SNTG1: variants seen among roughly 807,000 people sequenced by gnomAD.
The protein encoded by SNTG1 is syntrophin gamma 1, also known as gamma-1-syntrophin.
In SNTG1, 39 loss-of-function variants were observed where a neutral mutation model predicts 74.7. The observed-to-expected ratio is 0.52, with a 90% confidence interval of 0.40 to 0.68. SNTG1 has a LOEUF of 0.68. SNTG1 is among the 30% of genes least tolerant of loss of function. The pLI, the probability that SNTG1 is intolerant of heterozygous loss-of-function variation, is 0.00. For missense variants in SNTG1, 685 were observed against 609.5 expected (o/e 1.12, Z -1.30); for synonymous variants, 254 against 217.1 (o/e 1.17, Z -1.49).
In SNTG1 at chr8:50,536,759, C is replaced by CT; in HGVS notation, c.632dup (p.Leu212ThrfsTer39). 6.2e-7 allele frequency: 1 copy of CT among 1,614,034 alleles called. No individual in the cohort carries two copies. Among genetic ancestry groups the CT allele is most frequent in the African/African-American group, 1.3e-5 (1 of 75,046 alleles). On this transcript the variant is annotated frameshift_variant, in exon 11 of 19. Coordinates refer to ENST00000642720, the MANE Select transcript of SNTG1 (RefSeq NM_018967.5). LOFTEE classifies it high-confidence loss of function. ...ATGGTGCGACCTCAGACTGATCCCT[C>CT]TACTTCATTCGCGCTTCTCTCAGTA...
chr8:50,259,999 A>G (rs975667253), intron 2 of SNTG1, among the ~76,000 whole-genome samples: 1 of 152,154 alleles, frequency 6.6e-6, no homozygotes, highest in Non-Finnish European at 1.5e-5. Flanking sequence ...AAGTTTTGCC[A>G]CTGAGAGCCC....
intron 16 of SNTG1, among the ~76,000 whole-genome samples, chr8:50,705,299 TG>T (rs113127507): frequency 0.022 from 3,293 of 152,296 alleles, 101 homozygotes; most frequent in African/African-American, 0.071. Flanking sequence ...TTCTCACTTT[TG>T]AACACAATAT....
At chr8:50,608,586 A>G (rs576152453) in intron 13 of SNTG1, among the ~76,000 whole-genome samples, 4 of 151,864 alleles carry the variant, frequency 2.6e-5, no homozygotes, top group East Asian at 3.9e-4. Flanking sequence ...CTGTTTTCCA[A>G]TGGTAAATCA....
At chr8:50,610,473 C>A (rs1193307476) in intron 13 of SNTG1, among the ~76,000 whole-genome samples, 2 of 152,072 alleles carry the variant, frequency 1.3e-5, no homozygotes, top group East Asian at 3.9e-4. Context: ...CTCATTTAGG[C>A]CTTATTTGAC....
At chr8:50,031,451 A>G (rs1177559300) in intron 1 of SNTG1, among the ~76,000 whole-genome samples, 1 of 152,080 alleles carries the variant, frequency 6.6e-6, no homozygotes, top group African/African-American at 2.4e-5. Flanking sequence ...GTCTTTTACC[A>G]TATGAACTGT....
chr8:50,754,994 G>A (rs182401822), intron 18 of SNTG1, among the ~76,000 whole-genome samples: 1 of 151,682 alleles, frequency 6.6e-6, no homozygotes, highest in East Asian at 2.0e-4. Context: ...TGAGTGTAAG[G>A]TACAAAAATT....
At chr8:49,996,244 G>C (rs1360398269) in intron 1 of SNTG1, among the ~76,000 whole-genome samples, 3 of 151,936 alleles carry the variant, frequency 2.0e-5, no homozygotes, top group African/African-American at 7.3e-5. Context: ...TATGATTTTT[G>C]TAAGAGAGGA....
chr8:50,102,815 G>T (rs2080195827), intron 1 of SNTG1, among the ~76,000 whole-genome samples: 2 of 149,904 alleles, frequency 1.3e-5, no homozygotes, highest in Admixed American at 1.3e-4. Flanking sequence ...ATTAAATAGG[G>T]AATCCTTTCC....
intron 9 of SNTG1, among the ~76,000 whole-genome samples, chr8:50,522,017 T>C (rs923312057): frequency 3.3e-5 from 5 of 152,272 alleles, no homozygotes; most frequent in Non-Finnish European, 2.9e-5. Context: ...GTATTCTTAA[T>C]AGTATCAACA....
intron 1 of SNTG1, among the ~76,000 whole-genome samples, chr8:50,130,597 A>G (rs1317869296): frequency 6.6e-6 from 1 of 151,322 alleles, no homozygotes; most frequent in Non-Finnish European, 1.5e-5. Context: ...CTGCGTTCAC[A>G]CTTTTACTTA....
intron 13 of SNTG1, among the ~76,000 whole-genome samples, chr8:50,605,993 A>G (rs536504282): frequency 1.3e-5 from 2 of 152,200 alleles, no homozygotes; most frequent in Admixed American, 1.3e-4. Flanking sequence ...ATGGTGAGTG[A>G]TCTTTTTGAT....
chr8:50,688,078 C>G (rs939014996), intron 15 of SNTG1, among the ~76,000 whole-genome samples: 2 of 152,100 alleles, frequency 1.3e-5, no homozygotes, highest in African/African-American at 4.8e-5. Flanking sequence ...CTGTCCATAT[C>G]CTTCACCCAC....
At chr8:50,223,567 A>C (rs1207912851) in intron 2 of SNTG1, among the ~76,000 whole-genome samples, 1 of 152,134 alleles carries the variant, frequency 6.6e-6, no homozygotes, top group African/African-American at 2.4e-5. Context: ...GTCCTTAAGA[A>C]ATTTAAGGAG....
intron 3 of SNTG1, among the ~76,000 whole-genome samples, chr8:50,395,221 G>A (rs571365717): frequency 1.2e-4 from 18 of 152,164 alleles, no homozygotes; most frequent in African/African-American, 3.6e-4. Context: ...TAAATATAAG[G>A]TTTTTCAGAA....
chr8:50,270,986 C>A (rs1448751580), intron 2 of SNTG1, among the ~76,000 whole-genome samples: 2 of 152,006 alleles, frequency 1.3e-5, no homozygotes, highest in Non-Finnish European at 2.9e-5. Flanking sequence ...TCTGTTTTTG[C>A]CATTTACAAA....
intron 2 of SNTG1, among the ~76,000 whole-genome samples, chr8:50,315,854 G>A (rs970426154): frequency 1.3e-5 from 2 of 152,138 alleles, no homozygotes; most frequent in Non-Finnish European, 2.9e-5. Flanking sequence ...TGAGCTGAAA[G>A]TGTGCTGATA....
chr8:49,975,158 G>T (rs1011338369), intron 1 of SNTG1, among the ~76,000 whole-genome samples: 1 of 152,008 alleles, frequency 6.6e-6, no homozygotes, highest in Non-Finnish European at 1.5e-5. Context: ...CATATTTGGC[G>T]GAATAAAATT....
intron 1 of SNTG1, among the ~76,000 whole-genome samples, chr8:50,012,254 A>C (rs748136668): frequency 6.6e-6 from 1 of 152,076 alleles, no homozygotes; most frequent in Non-Finnish European, 1.5e-5. Flanking sequence ...TATCTTCATG[A>C]AGTCAAGTGC....
At chr8:50,361,282 A>T (rs374683926) in intron 2 of SNTG1, among the ~76,000 whole-genome samples, 2 of 152,308 alleles carry the variant, frequency 1.3e-5, no homozygotes, top group South Asian at 4.1e-4. Flanking sequence ...ATTAACAGCC[A>T]TGGAACTCTC....
Sources: gnomAD v4.1 joint callset for allele counts (sites outside exome capture counted in the v4.1 genomes callset) on GRCh38, gnomAD v4.1.1 for gene constraint, MANE v1.5 for transcripts, NCBI Gene and HGNC (gene_info 2026-07-23, HGNC 2026-07-21) for gene names.